Variants in SYNE1 observed in about 807,000 individuals in gnomAD.
SYNE1 encodes the protein spectrin repeat containing nuclear envelope protein 1.
A neutral mutation model predicts 1,111.0 loss-of-function variants in SYNE1; 616 were observed. The observed-to-expected ratio is 0.55, with a 90% CI of 0.52 to 0.59. SYNE1 has a LOEUF of 0.59. Among genes scored for constraint, SYNE1 ranks in the 20% least tolerant of loss-of-function variants. The pLI is 0.00. For missense variants in SYNE1, 10,006 were observed against 10,417.0 expected (o/e 0.96, Z 1.72); for synonymous variants, 3,855 against 3,825.8 (o/e 1.01, Z -0.28).
intron 32 of SYNE1, 35 bp downstream of exon 32, chr6:152,441,095 T>C (rs2154228755): frequency 6.2e-7 from 1 of 1,612,094 alleles, no homozygotes; most frequent in Non-Finnish European, 8.5e-7. Flanking sequence ...GCTTTGTTTT[T>C]TCTGAATATT....
intron 99 of SYNE1, among the ~76,000 whole-genome samples, chr6:152,268,656 A>AG (rs1373708021): frequency 2.0e-5 from 3 of 152,212 alleles, no homozygotes; most frequent in African/African-American, 7.2e-5. Flanking sequence ...CATACAGTTA[A>AG]GGTACCAATG....
At chr6:152,429,650 C>A (rs968103841) in intron 36 of SYNE1, among the ~76,000 whole-genome samples, 1 of 152,160 alleles carries the variant, frequency 6.6e-6, no homozygotes, top group African/African-American at 2.4e-5. Flanking sequence ...CCAGAGCCAT[C>A]TGTCTGTAGC....
intron 14 of SYNE1, among the ~76,000 whole-genome samples, chr6:152,479,880 A>G (rs372474559): frequency 4.1e-4 from 62 of 152,358 alleles, no homozygotes; most frequent in African/African-American, 1.4e-3. Flanking sequence ...TCTCGGAAAC[A>G]CACCTTTAAA....
chr6:152,610,293 G>T (rs750050525), intron 3 of SYNE1, among the ~76,000 whole-genome samples: 2 of 152,250 alleles, frequency 1.3e-5, no homozygotes, highest in East Asian at 1.9e-4. Context: ...GTGTAGAGAT[G>T]ACCTTAAATG....
At chr6:152,193,167 G>A (rs546247927) in intron 127 of SYNE1, among the ~76,000 whole-genome samples, 2 of 151,826 alleles carry the variant, frequency 1.3e-5, no homozygotes, top group South Asian at 2.1e-4. Flanking sequence ...CTTCTTTTCA[G>A]TGAAGGTGAT....
chr6:152,423,065 G>C (rs1312343401), intron 39 of SYNE1, among the ~76,000 whole-genome samples: 1 of 152,188 alleles, frequency 6.6e-6, no homozygotes, highest in African/African-American at 2.4e-5. Flanking sequence ...TAGGAAAGAT[G>C]AACTGAGAGT....
At chr6:152,420,748 T>C (rs2098245354) in intron 39 of SYNE1, among the ~76,000 whole-genome samples, 1 of 152,016 alleles carries the variant, frequency 6.6e-6, no homozygotes, top group African/African-American at 2.4e-5. Flanking sequence ...TTTTTAGTGG[T>C]GTTTTGTTTG....
At chr6:152,489,998 T>TGTA (rs1338428947) in intron 11 of SYNE1, among the ~76,000 whole-genome samples, 1 of 152,180 alleles carries the variant, frequency 6.6e-6, no homozygotes, top group Non-Finnish European at 1.5e-5. Context: ...TCAGCGCTAA[T>TGTA]ATTCACCCAA....
intron 91 of SYNE1, among the ~76,000 whole-genome samples, chr6:152,302,805 TG>T (rs1461692781): frequency 7.9e-5 from 12 of 152,192 alleles, no homozygotes; most frequent in Non-Finnish European, 1.6e-4. Context: ...AAAAAATAAT[TG>T]TTTTTTTGTT....
At chr6:152,196,326 T>C (rs1244833432) in intron 127 of SYNE1, among the ~76,000 whole-genome samples, 3 of 152,054 alleles carry the variant, frequency 2.0e-5, no homozygotes, top group African/African-American at 7.2e-5. Flanking sequence ...TGTTCTTGCC[T>C]CTCTTTTTTG....
intron 132 of SYNE1, 148 bp from the exon 133 acceptor site, chr6:152,155,190 AG>A: frequency 1.2e-6 from 1 of 809,292 alleles, no homozygotes; most frequent in South Asian, 1.7e-5. Context: ...AAATTTGACC[AG>A]AGAGCAAGAG....
chr6:152,628,232 A>T, intron 3 of SYNE1, 33 bp downstream of exon 3: 1 of 1,611,930 alleles, frequency 6.2e-7, no homozygotes, highest in Non-Finnish European at 8.5e-7. Flanking sequence ...TGGTATTTGA[A>T]TTTTTTTAAA....
chr6:152,564,367 A>C (rs1595463149), intron 3 of SYNE1, among the ~76,000 whole-genome samples: 1 of 152,228 alleles, frequency 6.6e-6, no homozygotes, highest in East Asian at 1.9e-4. Flanking sequence ...CCCAGACAGG[A>C]GCGCAGTGGC....
In SYNE1 at chr6:152,339,335, G is replaced by A; in HGVS notation, c.12257C>T (p.Ala4086Val). The part of the protein sequence containing the change: ...VKHFRALQEQ[A>V]RTYLDLLCSM... ...GCAAAGGAGATCTAGGTAGGTCCTTGCCTGCTCTTGCAAAGCTCTGAAGTG... is the reference window on the plus strand; with the variant it reads ...GCAAAGGAGATCTAGGTAGGTCCTTACCTGCTCTTGCAAAGCTCTGAAGTG... Residue 4086 changes from alanine (A) to valine (V), a missense_variant, in exon 75 of 146, where the codon GCA becomes GTA. By Grantham distance (64) the Ala-to-Val change is moderately conservative (BLOSUM62 0). Around this residue, in one of 7 missense-constraint regions of SYNE1, gnomAD observed 4,955 missense variants for 5,017.2 expected, o/e 0.99. Coordinates refer to ENST00000367255, the MANE Select transcript of SYNE1 (RefSeq NM_182961.4). 6.2e-7 allele frequency: 1 copy of A among 1,613,940 alleles called. No homozygotes were observed. Among genetic ancestry groups the A allele is most frequent in the Non-Finnish European group, 8.5e-7 (1 of 1,179,840 alleles).
At chr6:152,463,331 T>G in intron 19 of SYNE1, 22 bp downstream of exon 19, 1 of 1,613,544 alleles carries the variant, frequency 6.2e-7, no homozygotes, top group African/African-American at 1.3e-5. Context: ...CGTTGAGGTG[T>G]ATATAGACTT....
chr6:152,261,988 A>T (rs199839115), intron 101 of SYNE1, 44 bp downstream of exon 101: 350 of 1,504,896 alleles, frequency 2.3e-4, no homozygotes, highest in Non-Finnish European at 3.0e-4. Context: ...CATAAACTCT[A>T]CATCTTTTAT....
At position 152,353,304 on chromosome 6, in the gene SYNE1, C is replaced by A; in HGVS notation, c.11212G>T (p.Val3738Leu). The change falls in exon 69 of 146, where the codon GTA (valine) becomes TTA (leucine). Residue 3738 changes from valine to leucine, a missense_variant. This residue lies in a region of SYNE1 where 4,955 missense variants were observed against 5,017.2 expected (regional missense o/e 0.99). Coordinates refer to ENST00000367255, the MANE Select transcript of SYNE1 (RefSeq NM_182961.4). ...FKNVATKIDK[V>L]DTVMMGKKLK... ...TTCTTCCCCATCATTACTGTATCTACTTTGTCAATCTTGGTAGCCACATTC... is the reference window on the plus strand; with the variant it reads ...TTCTTCCCCATCATTACTGTATCTAATTTGTCAATCTTGGTAGCCACATTC... The A allele has an allele frequency of 6.2e-7, 1 of 1,614,204 alleles. No homozygotes were observed. The highest frequency in any genetic ancestry group is 8.5e-7 in the Non-Finnish European group (1 of 1,180,052).
chr6:152,516,561 AC>A (rs1354751211), intron 6 of SYNE1, among the ~76,000 whole-genome samples: 1 of 152,100 alleles, frequency 6.6e-6, no homozygotes, highest in Non-Finnish European at 1.5e-5. Context: ...AGAATGAATG[AC>A]CTGAAAAACT....
chr6:152,407,250 T>TC, intron 44 of SYNE1, 54 bp from the exon 45 acceptor site: 1 of 1,554,294 alleles, frequency 6.4e-7, no homozygotes, highest in Non-Finnish European at 8.9e-7. Flanking sequence ...AAGATGATCA[T>TC]CCCCCAACCA....
Sources: gnomAD v4.1 joint callset for allele counts (sites outside exome capture counted in the v4.1 genomes callset) on GRCh38, gnomAD v4.1.1 for gene constraint, gnomAD v4.1.1 regional missense constraint, MANE v1.5 for transcripts, NCBI Gene and HGNC (gene_info 2026-07-23, HGNC 2026-07-21) for gene names.